The following NOL10 variants were observed in gnomAD, a reference collection of about 807,000 sequenced individuals.
The protein encoded by NOL10 is nucleolar protein 10, also known as H_NH0074G24.1.
In NOL10, 58 loss-of-function variants were observed where a neutral mutation model predicts 103.5. The ratio of observed to expected loss-of-function variants is 0.56; its 90% CI spans 0.45 to 0.70. The LOEUF is 0.70. Among genes scored for constraint, NOL10 ranks in the 30% least tolerant of loss-of-function variants. NOL10 has a pLI of 0.00. For synonymous variants in NOL10, 287 were observed against 282.5 expected, an observed-to-expected ratio of 1.02 and a Z score of -0.16; for missense variants, 763 against 807.3, an observed-to-expected ratio of 0.95 and a Z score of 0.67.
intron 13 of NOL10, among the ~76,000 whole-genome samples, chr2:10,622,792 C>G (rs1305508409): frequency 1.3e-5 from 2 of 151,870 alleles, no homozygotes; most frequent in Non-Finnish European, 2.9e-5. Flanking sequence ...TGGAGATGAA[C>G]CAGAAAAACA....
At chr2:10,661,635 T>A (rs1337571965) in intron 9 of NOL10, among the ~76,000 whole-genome samples, 1 of 152,132 alleles carries the variant, frequency 6.6e-6, no homozygotes, top group Non-Finnish European at 1.5e-5. Context: ...CCTTTCAAAG[T>A]GCTGGGATTA....
intron 13 of NOL10, among the ~76,000 whole-genome samples, chr2:10,624,858 C>T (rs926733597): frequency 5.3e-5 from 8 of 152,106 alleles, no homozygotes; most frequent in African/African-American, 1.9e-4. Flanking sequence ...ACTGCCAAAA[C>T]TGGAAACAAC....
At chr2:10,659,980 G>C (rs1043369340) in intron 9 of NOL10, among the ~76,000 whole-genome samples, 1 of 152,166 alleles carries the variant, frequency 6.6e-6, no homozygotes, top group African/African-American at 2.4e-5. Context: ...CACGACTCTA[G>C]AATATGCTTC....
In NOL10 at chr2:10,614,722, A is replaced by G. The variant is rs536425290; in HGVS notation, c.1027-7411T>C. Among the ~76,000 whole-genome samples, 3 of 152,344 alleles carry G rather than the reference A, an allele frequency of 2.0e-5. No homozygotes were observed. In the East Asian group the frequency reaches 5.8e-4, roughly 29 times the overall value. On this transcript the variant is annotated intron_variant, in intron 13 of 20. Transcript: ENST00000381685. ...TTTTTAAATTTCAGAATTGCAGATA[A>G]GAGATGATGGAGTTGTACTATAATG...
chr2:10,689,716 G>A (rs1682492803), intron 1 of NOL10, 80 bp downstream of exon 1: 2 of 1,393,970 alleles, frequency 1.4e-6, no homozygotes, highest in Non-Finnish European at 1.0e-6. Context: ...CAGAGGCTAG[G>A]GCCGAGGAGA....
At chr2:10,676,349 T>C (rs1681305765) in intron 3 of NOL10, among the ~76,000 whole-genome samples, 1 of 152,204 alleles carries the variant, frequency 6.6e-6, no homozygotes, top group African/African-American at 2.4e-5. Context: ...CTGCCAAAGA[T>C]ATTAAGAATG....
At chr2:10,650,306 GCAC>G (rs34601556) in intron 12 of NOL10, among the ~76,000 whole-genome samples, 116,678 of 151,478 alleles carry the variant, frequency 0.77, 46,248 homozygotes, top group Middle Eastern at 0.93. Flanking sequence ...GACTACAGGC[GCAC>G]AGTGCCACTG....
At chr2:10,674,692 C>G (rs1011613149) in intron 4 of NOL10, among the ~76,000 whole-genome samples, 1 of 152,058 alleles carries the variant, frequency 6.6e-6, no homozygotes, top group African/African-American at 2.4e-5. Context: ...CCAAAATTAG[C>G]TGGGTGTGGT....
chr2:10,654,850 G>T (rs377624314), intron 11 of NOL10, among the ~76,000 whole-genome samples: 1 of 152,088 alleles, frequency 6.6e-6, no homozygotes, highest in African/African-American at 2.4e-5. Context: ...TTTGAATTAT[G>T]CATCAACTTT....
intron 13 of NOL10, among the ~76,000 whole-genome samples, chr2:10,624,826 G>A (rs1265398730): frequency 6.6e-6 from 1 of 152,164 alleles, no homozygotes; most frequent in Non-Finnish European, 1.5e-5. Context: ...ACACGAGAAT[G>A]TTTAGAGCGG....
intron 20 of NOL10, among the ~76,000 whole-genome samples, chr2:10,573,323 A>G (rs1366917928): frequency 6.6e-6 from 1 of 152,118 alleles, no homozygotes; most frequent in African/African-American, 2.4e-5. Flanking sequence ...CCTCCAGAGT[A>G]GCTGGGACTA....
At position 10,620,320 on chromosome 2, in the gene NOL10, A is replaced by G. The variant is rs191935808; in HGVS notation, c.1027-13009T>C. Among the ~76,000 whole-genome samples the G allele has an allele frequency of 2.6e-5, 4 of 152,266 alleles. No homozygotes were observed. In the East Asian group the frequency reaches 7.7e-4, roughly 29 times the overall value. ...TATGTAAAAATACCCAGGGGGGGAA[A>G]CTCGGCAGAAAAAAAGGAAGAGCAA... On this transcript the variant is annotated intron_variant, in intron 13 of 20. Coordinates refer to ENST00000381685, the MANE Select transcript of NOL10 (RefSeq NM_024894.4).
intron 2 of NOL10, among the ~76,000 whole-genome samples, chr2:10,683,882 T>C (rs1012047946): frequency 2.6e-5 from 4 of 152,180 alleles, no homozygotes; most frequent in African/African-American, 9.7e-5. Flanking sequence ...CGTCTACTAT[T>C]GTTATCCATG....
At chr2:10,675,661 C>T (rs1246081480) in intron 4 of NOL10, 133 bp downstream of exon 4, 2 of 566,202 alleles carry the variant, frequency 3.5e-6, no homozygotes, top group African/African-American at 1.9e-5. Flanking sequence ...TGTTTTAAGC[C>T]ATCGGGATTG....
intron 5 of NOL10, chr2:10,673,278 T>C (rs953053355): frequency 1.8e-5 from 6 of 340,086 alleles, no homozygotes; most frequent in Admixed American, 4.8e-5. Context: ...TAAGGTTTCA[T>C]ATACGATATG....
At chr2:10,610,191 C>T (rs1282300805) in intron 13 of NOL10, among the ~76,000 whole-genome samples, 1 of 152,120 alleles carries the variant, frequency 6.6e-6, no homozygotes, top group Non-Finnish European at 1.5e-5. Flanking sequence ...ATTGTTCCAC[C>T]TTTTTAAATC....
At chr2:10,652,506 G>A (rs1296737972) in intron 12 of NOL10, among the ~76,000 whole-genome samples, 2 of 152,062 alleles carry the variant, frequency 1.3e-5, no homozygotes, top group African/African-American at 2.4e-5. Flanking sequence ...GATAACAGCA[G>A]CATGCAATCA....
chr2:10,604,093 G>C (rs1366277470), intron 14 of NOL10, among the ~76,000 whole-genome samples: 2 of 152,186 alleles, frequency 1.3e-5, no homozygotes, highest in Non-Finnish European at 2.9e-5. Context: ...CCTCGCATGT[G>C]CAGTTCACAC....
intron 5 of NOL10, among the ~76,000 whole-genome samples, chr2:10,671,942 G>A (rs538878990): frequency 1.3e-5 from 2 of 152,038 alleles, no homozygotes; most frequent in African/African-American, 2.4e-5. Context: ...TGAAACAAAC[G>A]CCCTTCATTT....
Sources: gnomAD v4.1 joint callset for allele counts (sites outside exome capture counted in the v4.1 genomes callset) on GRCh38, gnomAD v4.1.1 for gene constraint, MANE v1.5 for transcripts, NCBI Gene and HGNC (gene_info 2026-07-23, HGNC 2026-07-21) for gene names.